ACAA2: variants seen among roughly 807,000 people sequenced by gnomAD.
ACAA2 encodes the protein 3-ketoacyl-CoA thiolase, mitochondrial.
ACAA2 carries 35 observed loss-of-function variants against 44.8 expected under a neutral mutation model. That is an observed-to-expected ratio of 0.78 (90% CI 0.60 to 1.04). The LOEUF is 1.04. ACAA2 is among the 50% of genes least tolerant of loss of function. ACAA2 has a pLI of 0.00. For missense variants in ACAA2, 468 were observed against 482.6 expected (o/e 0.97, Z 0.28); for synonymous variants, 142 against 166.5 (o/e 0.85, Z 1.13).
chr18:49,792,190 A>T lies in ACAA2; in HGVS notation c.715T>A (p.Phe239Ile), dbSNP rs2143955139. 6.2e-7 allele frequency: 1 copy of T among 1,614,032 alleles called. No individual in the cohort carries two copies. The change falls in exon 6 of 10, where the codon TTC (phenylalanine) becomes ATC (isoleucine). Residue 239 changes from phenylalanine to isoleucine, a missense_variant. Transcript: ENST00000285093. ...LEQLQKLPPVFKKDGTVTAGN... is the reference protein window; with the variant it reads ...LEQLQKLPPVIKKDGTVTAGN... ...GCAGTAACAGTTCCATCTTTCTTGA[A>T]TACTGGAGGAAGTTTCTGTAACTGT...
chr18:49,804,486 T>G (rs1379661824), intron 1 of ACAA2, among the ~76,000 whole-genome samples: 1 of 152,210 alleles, frequency 6.6e-6, no homozygotes, highest in Non-Finnish European at 1.5e-5. Context: ...AGCTAACCTG[T>G]AAGTCCCCAA....
chr18:49,789,475 C>T (rs2023372663), intron 7 of ACAA2, among the ~76,000 whole-genome samples: 1 of 152,162 alleles, frequency 6.6e-6, no homozygotes, highest in African/African-American at 2.4e-5. Context: ...AAATGACAAT[C>T]CTACCACAGG....
At chr18:49,794,108 T>C (rs2023437131) in intron 5 of ACAA2, among the ~76,000 whole-genome samples, 172 bp downstream of exon 5, 2 of 152,140 alleles carry the variant, frequency 1.3e-5, no homozygotes, top group Non-Finnish European at 2.9e-5. Context: ...CCTAGTTAAT[T>C]TTGCAATAAT....
chr18:49,790,092 A>T (rs904851081), intron 7 of ACAA2, among the ~76,000 whole-genome samples: 2 of 152,206 alleles, frequency 1.3e-5, no homozygotes, highest in African/African-American at 4.8e-5. Context: ...CAAAATAATA[A>T]ATGCCATAAC....
chr18:49,805,831 T>A (rs183650813), intron 1 of ACAA2, among the ~76,000 whole-genome samples: 221 of 151,892 alleles, frequency 1.5e-3, no homozygotes, highest in African/African-American at 5.2e-3. Flanking sequence ...GCTCAAGCAA[T>A]CCTCCCACCT....
At chr18:49,797,914 T>G (rs1196164126) in intron 2 of ACAA2, among the ~76,000 whole-genome samples, 1 of 152,234 alleles carries the variant, frequency 6.6e-6, no homozygotes, top group Non-Finnish European at 1.5e-5. Context: ...GTAACCACAG[T>G]CAATTGGTTT....
At chr18:49,800,782 C>T (rs1160975810) in intron 2 of ACAA2, among the ~76,000 whole-genome samples, 4 of 151,512 alleles carry the variant, frequency 2.6e-5, no homozygotes, top group Non-Finnish European at 5.9e-5. Context: ...GGGTCCTCTG[C>T]CTAGGAAAAC....
intron 2 of ACAA2, among the ~76,000 whole-genome samples, chr18:49,797,838 G>C (rs1388021874): frequency 6.6e-6 from 1 of 152,028 alleles, no homozygotes; most frequent in Non-Finnish European, 1.5e-5. Flanking sequence ...ATAACAAAAT[G>C]TATCATTGTA....
intron 1 of ACAA2, among the ~76,000 whole-genome samples, chr18:49,809,461 T>C (rs1251487869): frequency 6.6e-6 from 1 of 152,206 alleles, no homozygotes; most frequent in African/African-American, 2.4e-5. Flanking sequence ...CCATTCAGGG[T>C]CCCTGACTTC....
chr18:49,812,406 G>A (rs2023680780), intron 1 of ACAA2, among the ~76,000 whole-genome samples: 1 of 152,066 alleles, frequency 6.6e-6, no homozygotes, highest in Admixed American at 6.6e-5. Flanking sequence ...TCATGAACAC[G>A]GTTCATCAAA....
intron 7 of ACAA2, among the ~76,000 whole-genome samples, chr18:49,790,019 G>C (rs1052673728): frequency 2.6e-5 from 4 of 152,110 alleles, no homozygotes; most frequent in Admixed American, 1.3e-4. Context: ...AAAATCTAAG[G>C]GTGTGGGGGT....
chr18:49,811,009 G>T, intron 1 of ACAA2, among the ~76,000 whole-genome samples: 1 of 97,106 alleles, frequency 1.0e-5, no homozygotes, highest in African/African-American at 3.9e-5. Flanking sequence ...TGTATACCAT[G>T]TCAATTTTCA....
chr18:49,784,754 G>A (rs1275881668), intron 9 of ACAA2, among the ~76,000 whole-genome samples: 1 of 152,144 alleles, frequency 6.6e-6, no homozygotes, highest in Non-Finnish European at 1.5e-5. Flanking sequence ...CCTGCAAGCA[G>A]TGAAAAGAAA....
chr18:49,786,618 T>TC (rs2023332971), intron 8 of ACAA2: 1 of 152,210 alleles, frequency 6.6e-6, no homozygotes, highest in Non-Finnish European at 1.5e-5. Flanking sequence ...ATTAGTTATT[T>TC]CCCAATGCCA....
At chr18:49,796,829 GAATAAT>G (rs1183238237) in intron 3 of ACAA2, among the ~76,000 whole-genome samples, 6 of 152,000 alleles carry the variant, frequency 3.9e-5, no homozygotes, top group Admixed American at 1.3e-4. Flanking sequence ...TGTAAAATGG[GAATAAT>G]AATAATAGTT....
chr18:49,796,026 GT>G (rs1485407622), intron 3 of ACAA2, 145 bp from the exon 4 acceptor site: 1 of 561,642 alleles, frequency 1.8e-6, no homozygotes, highest in African/African-American at 1.9e-5. Context: ...TGCTTTTAAA[GT>G]AACTGTAAAG....
chr18:49,787,260 T>TATAAA, intron 8 of ACAA2, 31 bp downstream of exon 8: 4 of 1,023,526 alleles, frequency 3.9e-6, no homozygotes, highest in African/African-American at 4.0e-5. Flanking sequence ...TTCATGTTGT[T>TATAAA]AAAAAAAAAA....
At chr18:49,794,720 C>A (rs1416835181) in intron 4 of ACAA2, among the ~76,000 whole-genome samples, 1 of 152,176 alleles carries the variant, frequency 6.6e-6, no homozygotes, top group South Asian at 2.1e-4. Flanking sequence ...AGTTACCCTA[C>A]GATCAAAAAT....
At chr18:49,792,349 A>G (rs1169926030) in intron 5 of ACAA2, 22 bp from the exon 6 acceptor site, 1 of 1,577,146 alleles carries the variant, frequency 6.3e-7, no homozygotes. Context: ...TAGAGAGACT[A>G]TCATAAGAAT....
Sources: allele counts gnomAD v4.1 joint callset (sites outside exome capture counted in the v4.1 genomes callset), GRCh38; gene constraint gnomAD v4.1.1; transcripts MANE v1.5; gene names NCBI Gene and HGNC (gene_info 2026-07-23, HGNC 2026-07-21).